FBXL17: variants seen among roughly 807,000 people sequenced by gnomAD.
FBXL17 encodes the protein F-box and leucine rich repeat protein 17.
FBXL17 carries 22 observed loss-of-function variants against 66.2 expected under a neutral mutation model. That is an observed-to-expected ratio of 0.33 (90% CI 0.24 to 0.47). FBXL17 has a LOEUF of 0.47. Among genes scored for constraint, FBXL17 ranks in the 20% least tolerant of loss-of-function variants. FBXL17 has a pLI of 1.00. For missense variants in FBXL17, 878 were observed against 948.2 expected, an observed-to-expected ratio of 0.93 and a Z score of 0.97; for synonymous variants, 474 against 400.5, an observed-to-expected ratio of 1.18 and a Z score of -2.19.
intron 6 of FBXL17, among the ~76,000 whole-genome samples, chr5:108,028,117 T>C (rs1754899891): frequency 6.6e-6 from 1 of 152,078 alleles, no homozygotes; most frequent in South Asian, 2.1e-4. Flanking sequence ...AAAGCAGAAA[T>C]ACTAAAACAT....
chr5:108,348,700 A>G (rs113222050), intron 3 of FBXL17, among the ~76,000 whole-genome samples, 170 bp from the exon 4 acceptor site: 5 of 152,260 alleles, frequency 3.3e-5, no homozygotes, highest in African/African-American at 4.8e-5. Flanking sequence ...AGTACTGTAT[A>G]AACATTTTTA....
chr5:108,266,933 T>C (rs916620457), intron 4 of FBXL17, among the ~76,000 whole-genome samples: 3 of 152,112 alleles, frequency 2.0e-5, no homozygotes, highest in Non-Finnish European at 4.4e-5. Context: ...GGGGAACTAT[T>C]AGAATGAAAA....
At chr5:108,193,938 T>C (rs1049677693) in intron 5 of FBXL17, among the ~76,000 whole-genome samples, 10 of 152,136 alleles carry the variant, frequency 6.6e-5, no homozygotes, top group Non-Finnish European at 1.3e-4. Context: ...ATTCATTCTG[T>C]TTTGCTTTCT....
chr5:108,192,516 T>C (rs1325144264), intron 5 of FBXL17, among the ~76,000 whole-genome samples: 1 of 152,156 alleles, frequency 6.6e-6, no homozygotes, highest in African/African-American at 2.4e-5. Flanking sequence ...AAATATAAAA[T>C]GAGACACTAA....
chr5:108,001,315 C>G (rs1429473755), intron 7 of FBXL17, among the ~76,000 whole-genome samples: 1 of 152,026 alleles, frequency 6.6e-6, no homozygotes, highest in East Asian at 1.9e-4. Context: ...AGTGAAAGCA[C>G]AAGTCAAAAC....
At chr5:108,104,754 C>G (rs1181060626) in intron 6 of FBXL17, among the ~76,000 whole-genome samples, 1 of 152,176 alleles carries the variant, frequency 6.6e-6, no homozygotes, top group Admixed American at 6.5e-5. Flanking sequence ...CTCATTTTGT[C>G]AAAAATGTAT....
intron 8 of FBXL17, among the ~76,000 whole-genome samples, chr5:107,866,074 C>T (rs1206110640): frequency 2.4e-5 from 3 of 126,546 alleles, no homozygotes; most frequent in African/African-American, 9.3e-5. Flanking sequence ...AAAAAGGGAA[C>T]ATTAAAGATG....
intron 6 of FBXL17, among the ~76,000 whole-genome samples, chr5:108,164,184 G>C (rs1750791388): frequency 6.6e-6 from 1 of 152,192 alleles, no homozygotes; most frequent in Non-Finnish European, 1.5e-5. Flanking sequence ...ACAGGAAATA[G>C]GATAAGCACA....
At position 108,232,701 on chromosome 5, in the gene FBXL17, T is replaced by A. The variant is rs375061011; in HGVS notation, c.1507-8473A>T. 4.9e-4 allele frequency among the ~76,000 whole-genome samples: 73 copies of A among 148,936 alleles called. 1 individual carries two copies. In the Middle Eastern group the frequency reaches 0.014, roughly 28 times the overall value. ...AGTTCTTCAGTTTTGAGACTCGGACTGGCTCTCCTTGCTCCTCAGCTTGCA... is the reference window on the plus strand; with the variant it reads ...AGTTCTTCAGTTTTGAGACTCGGACAGGCTCTCCTTGCTCCTCAGCTTGCA... On this transcript the variant is annotated intron_variant, in intron 4 of 8. Coordinates refer to ENST00000542267, the MANE Select transcript of FBXL17 (RefSeq NM_001163315.3).
At chr5:108,266,867 G>C (rs1757065945) in intron 4 of FBXL17, among the ~76,000 whole-genome samples, 1 of 152,116 alleles carries the variant, frequency 6.6e-6, no homozygotes, top group African/African-American at 2.4e-5. Flanking sequence ...ATTGAGGGCA[G>C]TTGGGTTTAG....
At chr5:108,202,920 CAG>C (rs1467293659) in intron 5 of FBXL17, among the ~76,000 whole-genome samples, 4 of 152,088 alleles carry the variant, frequency 2.6e-5, no homozygotes, top group African/African-American at 7.2e-5. Context: ...TTTAGTTACA[CAG>C]TGCGTTTAAC....
chr5:108,218,807 C>T (rs1754722469), intron 5 of FBXL17, among the ~76,000 whole-genome samples: 1 of 152,086 alleles, frequency 6.6e-6, no homozygotes, highest in African/African-American at 2.4e-5. Flanking sequence ...AGTCGAGTTC[C>T]TTATATATTT....
intron 6 of FBXL17, among the ~76,000 whole-genome samples, chr5:108,153,707 G>C (rs1479111175): frequency 6.6e-6 from 1 of 151,978 alleles, no homozygotes; most frequent in Admixed American, 6.6e-5. Context: ...GGGCCAGCTT[G>C]CCTTCTTGAA....
At chr5:107,917,616 T>C (rs914730187) in intron 7 of FBXL17, among the ~76,000 whole-genome samples, 1 of 152,220 alleles carries the variant, frequency 6.6e-6, no homozygotes, top group Non-Finnish European at 1.5e-5. Context: ...ATTTAGTCTG[T>C]AAACACCTGA....
chr5:108,380,738 G>A lies in FBXL17; in HGVS notation c.954C>T (p.Thr318=). 1 of 1,250,250 alleles carries A rather than the reference G, an allele frequency of 8.0e-7. No homozygotes were observed. Among genetic ancestry groups the A allele is most frequent in the Non-Finnish European group, 1.0e-6 (1 of 989,728 alleles). 77.4% of individuals were successfully genotyped at this position (1,250,250 alleles called of 1,614,324 possible). A position where few individuals can be genotyped will look rare whatever the true frequency, so the allele number is the denominator to read the frequency against. Residue 318 remains threonine, a synonymous_variant, in exon 1 of 9, where the codon ACC becomes ACT. Coordinates refer to ENST00000542267, the MANE Select transcript of FBXL17 (RefSeq NM_001163315.3). ...CDCHREPPPE[T]PDINQLPPSI... The stretch of plus-strand genomic sequence containing the variant: ...ACGGCGGCAGCTGGTTGATGTCTGG[G>A]GTTTCGGGGGGCGGCTCCCTGTGAC...
At chr5:108,199,326 C>CA (rs1753798667) in intron 5 of FBXL17, among the ~76,000 whole-genome samples, 1 of 152,088 alleles carries the variant, frequency 6.6e-6, no homozygotes, top group African/African-American at 2.4e-5. Context: ...ACCAATAACT[C>CA]AAATAACTAG....
chr5:108,374,935 A>T (rs972156890), intron 1 of FBXL17, among the ~76,000 whole-genome samples: 1 of 152,142 alleles, frequency 6.6e-6, no homozygotes, highest in African/African-American at 2.4e-5. Flanking sequence ...CTTCTACCTC[A>T]AGAAACTATA....
chr5:108,168,202 C>T (rs969150120), intron 6 of FBXL17, among the ~76,000 whole-genome samples: 1 of 152,194 alleles, frequency 6.6e-6, no homozygotes, highest in Non-Finnish European at 1.5e-5. Context: ...GATTTTCCCA[C>T]TTTGCAGTCT....
chr5:108,221,248 C>G (rs1323839035), intron 5 of FBXL17, among the ~76,000 whole-genome samples: 1 of 152,164 alleles, frequency 6.6e-6, no homozygotes, highest in Non-Finnish European at 1.5e-5. Context: ...ATATCAATGT[C>G]CTTCCATCTA....
Sources: allele counts gnomAD v4.1 joint callset (sites outside exome capture counted in the v4.1 genomes callset), GRCh38; gene constraint gnomAD v4.1.1; transcripts MANE v1.5; gene names NCBI Gene and HGNC (gene_info 2026-07-23, HGNC 2026-07-21).